RANBP3: variants seen among roughly 807,000 people sequenced by gnomAD.
The protein encoded by RANBP3 is RAN binding protein 3, also known as ran-binding protein 3.
RANBP3 carries 14 observed loss-of-function variants against 77.3 expected under a neutral mutation model. The ratio of observed to expected loss-of-function variants is 0.18; its 90% confidence interval spans 0.12 to 0.28. The LOEUF (loss-of-function observed/expected upper bound fraction) is 0.28. Ranked by LOEUF, RANBP3 falls within the 10% of genes least tolerant of loss-of-function variation. The pLI is 1.00. For synonymous variants in RANBP3, 315 were observed against 312.4 expected (o/e 1.01, Z -0.09); for missense variants, 586 against 752.3 (o/e 0.78, Z 2.59).
intron 3 of RANBP3, among the ~76,000 whole-genome samples, chr19:5,945,815 A>G (rs542623821): frequency 7.9e-5 from 12 of 151,946 alleles, no homozygotes; most frequent in African/African-American, 2.7e-4. Context: ...GGGGCTCCCA[A>G]CAGTCTCTTG....
chr19:5,941,011 C>T (rs1393342734), intron 5 of RANBP3, among the ~76,000 whole-genome samples: 2 of 152,268 alleles, frequency 1.3e-5, no homozygotes, highest in Admixed American at 6.5e-5. Flanking sequence ...CCAGGCCTCA[C>T]GTCCAGGGCC....
At chr19:5,934,914 T>C (rs2058043397) in intron 5 of RANBP3, among the ~76,000 whole-genome samples, 1 of 152,176 alleles carries the variant, frequency 6.6e-6, no homozygotes, top group South Asian at 2.1e-4. Flanking sequence ...TCTGATTGCA[T>C]TTCTGTGAAA....
intron 12 of RANBP3, among the ~76,000 whole-genome samples, chr19:5,923,523 C>T (rs2057855696): frequency 6.6e-6 from 1 of 152,202 alleles, no homozygotes; most frequent in Admixed American, 6.5e-5. Flanking sequence ...TGGCCCCAGA[C>T]TCTCGTGTTC....
chr19:5,918,386 A>ACGGGGGGG, intron 15 of RANBP3, 110 bp downstream of exon 15: 2 of 617,696 alleles, frequency 3.2e-6, no homozygotes, highest in Non-Finnish European at 5.0e-6. Flanking sequence ...GAAGCAACTG[A>ACGGGGGGG]AGCCCCTCCC....
chr19:5,923,054 T>G, intron 13 of RANBP3, 140 bp downstream of exon 13: 1 of 663,306 alleles, frequency 1.5e-6, no homozygotes, highest in Non-Finnish European at 2.6e-6. Context: ...ACCAACAAAG[T>G]CCCAGAGCGT....
At chr19:5,920,948 A>G in intron 14 of RANBP3, 1 of 323,886 alleles carries the variant, frequency 3.1e-6, no homozygotes, top group Non-Finnish European at 5.7e-6. Flanking sequence ...AAAAACTTCC[A>G]TAGACTTTTG....
At chr19:5,974,167 C>T (rs1018922382) in intron 1 of RANBP3, among the ~76,000 whole-genome samples, 2 of 152,274 alleles carry the variant, frequency 1.3e-5, no homozygotes, top group East Asian at 1.9e-4. Context: ...GATCCTGCAA[C>T]GCACAGGACA....
rs559544367 is a variant in RANBP3, at chr19:5,970,726, G to A, written c.22+7335C>T. Among the ~76,000 whole-genome samples the A allele has an allele frequency of 4.6e-5, 7 of 152,320 alleles. No individual in the cohort carries two copies. In the East Asian group the frequency reaches 1.3e-3, roughly 29 times the overall value. On this transcript the variant is annotated intron_variant, in intron 1 of 16. Coordinates refer to ENST00000340578, the MANE Select transcript of RANBP3 (RefSeq NM_007322.3). ...CAGGCATCCAATTAGGAGAATCACA[G>A]CTAGAAGTAACTGACATGTATCTCC...
At chr19:5,925,340 G>A in intron 10 of RANBP3, 1 of 530,202 alleles carries the variant, frequency 1.9e-6, no homozygotes, top group African/African-American at 1.9e-5. Flanking sequence ...TGGGCATGAG[G>A]TCCACAAGAC....
chr19:5,934,813 C>T (rs961153637), intron 5 of RANBP3, among the ~76,000 whole-genome samples: 6 of 152,218 alleles, frequency 3.9e-5, no homozygotes, highest in East Asian at 3.9e-4. Flanking sequence ...CCAGCCTGGG[C>T]GACAGAGTGA....
intron 3 of RANBP3, among the ~76,000 whole-genome samples, chr19:5,943,537 G>A (rs1027453450): frequency 6.6e-6 from 1 of 152,246 alleles, no homozygotes; most frequent in Non-Finnish European, 1.5e-5. Flanking sequence ...GCTTGTGGCA[G>A]TGAGAGCCCA....
At chr19:5,931,274 A>G in intron 8 of RANBP3, 130 bp downstream of exon 8, 1 of 1,078,080 alleles carries the variant, frequency 9.3e-7, no homozygotes, top group Non-Finnish European at 1.3e-6. Flanking sequence ...AGAGAGCCTT[A>G]CAATAGGCCC....
intron 14 of RANBP3, among the ~76,000 whole-genome samples, chr19:5,920,226 T>C (rs2057800245): frequency 6.6e-6 from 1 of 152,048 alleles, no homozygotes; most frequent in Admixed American, 6.6e-5. Flanking sequence ...GGGAGACCTG[T>C]CTTTATAAAG....
intron 3 of RANBP3, 83 bp downstream of exon 3, chr19:5,951,310 A>G (rs950988118): frequency 7.8e-7 from 1 of 1,280,098 alleles, no homozygotes; most frequent in African/African-American, 1.5e-5. Flanking sequence ...TAGGGCCAGG[A>G]TCTGAGGGAC....
Position 5,958,015 on chromosome 19 carries a change from T to C in RANBP3, c.23-42A>G, listed in dbSNP as rs557828715. 6 of 1,558,666 alleles carry C rather than the reference T, an allele frequency of 3.8e-6. No individual in the cohort carries two copies. In the East Asian group the frequency reaches 1.1e-4, roughly 29 times the overall value. On this transcript the variant is annotated intron_variant, in intron 1 of 16. Transcript: ENST00000340578. The surrounding 1 kb of genome is among the most constrained non-coding windows in gnomAD (Gnocchi z 4.4). ...TAGTTTTTTTCCCCCCAACACTATA[T>C]GCATACAGTAAACAAAGCTACACTT...
At chr19:5,923,623 C>G (rs1373073566) in intron 12 of RANBP3, among the ~76,000 whole-genome samples, 189 bp downstream of exon 12, 1 of 152,200 alleles carries the variant, frequency 6.6e-6, no homozygotes, top group African/African-American at 2.4e-5. Context: ...CAAGGCGACA[C>G]AGGCCCTCGA....
At chr19:5,933,756 A>G (rs1319927396) in intron 5 of RANBP3, 12 of 358,158 alleles carry the variant, frequency 3.4e-5, no homozygotes, top group Non-Finnish European at 5.1e-5. Flanking sequence ...CCAGCTGTCT[A>G]TGACCTGCTG....
At chr19:5,973,065 G>C (rs550135581) in intron 1 of RANBP3, among the ~76,000 whole-genome samples, 2 of 152,174 alleles carry the variant, frequency 1.3e-5, no homozygotes, top group East Asian at 3.8e-4. Context: ...GGTACCATCA[G>C]GCCCCTTCTG....
Position 5,951,582 on chromosome 19 carries a change from T to C in RANBP3, c.93A>G (p.Gln31=). 1 of 1,613,806 alleles carries C rather than the reference T, an allele frequency of 6.2e-7. No homozygotes were observed. Among genetic ancestry groups the C allele is most frequent in the South Asian group, 1.1e-5 (1 of 90,984 alleles). The stretch of plus-strand genomic sequence containing the variant: ...CCTCTCCCGAATCCGACAAGTTTTT[T>C]TGCTCTGCAGGGGACTGGGAGCAAA... ...KDKGQKSPAE[Q]KNLSDSGEEP... Residue 31 remains glutamine (Q), a synonymous_variant, in exon 3 of 17, where the codon CAA becomes CAG. Coordinates refer to ENST00000340578, the MANE Select transcript of RANBP3 (RefSeq NM_007322.3).
Sources: gnomAD v4.1 joint callset for allele counts (sites outside exome capture counted in the v4.1 genomes callset) on GRCh38, gnomAD v4.1.1 for gene constraint, Gnocchi (gnomAD v3.1) non-coding constraint, MANE v1.5 for transcripts, NCBI Gene and HGNC (gene_info 2026-07-23, HGNC 2026-07-21) for gene names.